ZFHX3: variants seen among roughly 807,000 people sequenced by gnomAD.
ZFHX3 encodes zinc finger homeobox protein 3.
In ZFHX3, 42 loss-of-function variants were observed where a neutral mutation model predicts 279.1. The ratio of observed to expected loss-of-function variants is 0.15; its 90% CI spans 0.12 to 0.19. The LOEUF (loss-of-function observed/expected upper bound fraction) is 0.19, where lower values mean the gene tolerates loss of function less well. ZFHX3 is among the 10% of genes least tolerant of loss of function. The pLI, the probability that ZFHX3 is intolerant of heterozygous loss-of-function variation, is 1.00. For synonymous variants in ZFHX3, 2,293 were observed against 1,957.8 expected, an observed-to-expected ratio of 1.17 and a Z score of -4.52; for missense variants, 4,981 against 4,754.0, an observed-to-expected ratio of 1.05 and a Z score of -1.40.
rs553170868 is a variant in ZFHX3, at chr16:73,466,438, C to T, written c.-1546-10180G>A. ...ATGGGGTTGCAGTAAGCTGTGATTGCACCACTGCGCTCCAGCTTGGGTAAC... is the reference window on the plus strand; with the variant it reads ...ATGGGGTTGCAGTAAGCTGTGATTGTACCACTGCGCTCCAGCTTGGGTAAC... On this transcript the variant is annotated intron_variant, in intron 2 of 17. Transcript: ENST00000641206. Among the ~76,000 whole-genome samples the T allele has an allele frequency of 1.3e-4, 20 of 152,318 alleles. No individual in the cohort carries two copies. The South Asian group carries it at 3.9e-3, about 30-fold the overall frequency.
At chr16:72,924,779 C>G (rs778034829) in intron 3 of ZFHX3, among the ~76,000 whole-genome samples, 11 of 152,202 alleles carry the variant, frequency 7.2e-5, no homozygotes, top group Admixed American at 3.3e-4. Flanking sequence ...TTGTCAGAAA[C>G]CCTTCTCGTT....
chr16:73,283,128 C>T (rs940018699), intron 4 of ZFHX3, among the ~76,000 whole-genome samples: 5 of 152,206 alleles, frequency 3.3e-5, no homozygotes, highest in South Asian at 2.1e-4. Context: ...GCCAGTGCCA[C>T]GTAAAAGCAG....
intron 2 of ZFHX3, among the ~76,000 whole-genome samples, chr16:73,629,165 G>A (rs2052445265): frequency 2.0e-5 from 3 of 152,314 alleles, no homozygotes; most frequent in African/African-American, 4.8e-5. Flanking sequence ...ATCTGTGTGT[G>A]TGCACAAACA....
At chr16:73,033,190 C>G (rs1219343535) in intron 1 of ZFHX3, among the ~76,000 whole-genome samples, 2 of 152,086 alleles carry the variant, frequency 1.3e-5, no homozygotes, top group Admixed American at 6.6e-5. Context: ...CCCCCAGTAC[C>G]CTGGAGCCCT....
rs559672310 is a variant in ZFHX3 at position 73,146,491 on chromosome 16, C to A, written c.-1103-2660G>T. Among the ~76,000 whole-genome samples, 730 of 151,990 alleles carry A rather than the reference C, an allele frequency of 4.8e-3. 7 individuals carry two copies. Among genetic ancestry groups the A allele is most frequent in the African/African-American group, 0.017 (692 of 41,484 alleles). On this transcript the variant is annotated intron_variant, in intron 5 of 17. Coordinates refer to the ZFHX3 transcript ENST00000641206. ...CCATGGAGGATCAGCTAATACAAACCCCCAATGCAGCCTCTGCTAAGACAG... is the reference window on the plus strand; with the variant it reads ...CCATGGAGGATCAGCTAATACAAACACCCAATGCAGCCTCTGCTAAGACAG...
rs563999688 is a variant in ZFHX3, at chr16:73,778,803, A to G, written c.-1607-98563T>C. On this transcript the variant is annotated intron_variant, in intron 1 of 17. Coordinates refer to the ZFHX3 transcript ENST00000641206. ...GGCTCCAAATAACACCAGAAATCAT[A>G]TCAATCCAAAAACAATGACTAACAG... Among the ~76,000 whole-genome samples, 73 of 152,340 alleles carry G rather than the reference A, an allele frequency of 4.8e-4. 1 individual carries two copies. The South Asian group carries it at 0.012, about 25-fold the overall frequency.
intron 7 of ZFHX3, among the ~76,000 whole-genome samples, chr16:73,107,425 A>T (rs1966318561): frequency 6.6e-6 from 1 of 152,210 alleles, no homozygotes; most frequent in Non-Finnish European, 1.5e-5. Context: ...CAGAAACAAA[A>T]GGAGATCCAT....
intron 2 of ZFHX3, among the ~76,000 whole-genome samples, chr16:73,621,301 G>A (rs943372991): frequency 2.6e-5 from 4 of 152,116 alleles, no homozygotes; most frequent in African/African-American, 9.7e-5. Flanking sequence ...TCGATAAAAT[G>A]CTGTTGGATA....
intron 4 of ZFHX3, among the ~76,000 whole-genome samples, chr16:72,836,230 A>G (rs2037188913): frequency 6.6e-6 from 1 of 152,290 alleles, no homozygotes; most frequent in African/African-American, 2.4e-5. Context: ...ACTTTCGAGC[A>G]AGTGGAGTCT....
At chr16:73,098,071 AT>A (rs35816942) in intron 7 of ZFHX3, among the ~76,000 whole-genome samples, 491 of 143,156 alleles carry the variant, frequency 3.4e-3, no homozygotes, top group African/African-American at 9.8e-3. Context: ...TTGTGTATCT[AT>A]TTTTTTTTTT....
At chr16:73,879,781 G>A (rs2030082488) in intron 1 of ZFHX3, among the ~76,000 whole-genome samples, 1 of 151,998 alleles carries the variant, frequency 6.6e-6, no homozygotes, top group Non-Finnish European at 1.5e-5. Flanking sequence ...GTAGGATGGT[G>A]AGCAGTGTCC....
chr16:73,412,743 G>T (rs1158786962), intron 3 of ZFHX3, among the ~76,000 whole-genome samples: 1 of 152,180 alleles, frequency 6.6e-6, no homozygotes, highest in Admixed American at 6.5e-5. Context: ...GTTTCTGGGG[G>T]AGTATTTCAC....
chr16:73,775,364 C>T (rs534265629), intron 1 of ZFHX3, among the ~76,000 whole-genome samples: 1 of 152,188 alleles, frequency 6.6e-6, no homozygotes, highest in Non-Finnish European at 1.5e-5. Flanking sequence ...GTTTCATGCT[C>T]TATTCACCTT....
chr16:73,277,837 A>G (rs12932390), intron 4 of ZFHX3, among the ~76,000 whole-genome samples: 105,068 of 152,040 alleles, frequency 0.69, 37,424 homozygotes, highest in African/African-American at 0.87. Context: ...TGGAGGCCTC[A>G]AGAAGCTTCC....
intron 1 of ZFHX3, among the ~76,000 whole-genome samples, chr16:73,866,254 A>C (rs1435909713): frequency 7.5e-6 from 1 of 133,506 alleles, no homozygotes; most frequent in African/African-American, 2.8e-5. Flanking sequence ...ATCTCGGCTC[A>C]TTGCAACCTC....
At chr16:73,146,134 T>C (rs146802442) in intron 5 of ZFHX3, among the ~76,000 whole-genome samples, 52 of 152,104 alleles carry the variant, frequency 3.4e-4, no homozygotes, top group African/African-American at 1.2e-3. Context: ...AGTATAGAGA[T>C]AAAAAATGAT....
At chr16:73,469,734 C>G (rs981591274) in intron 2 of ZFHX3, among the ~76,000 whole-genome samples, 2 of 152,122 alleles carry the variant, frequency 1.3e-5, no homozygotes, top group African/African-American at 4.8e-5. Flanking sequence ...TCTCCTGCCT[C>G]AGTCTCCCAA....
At chr16:73,291,684 G>A (rs538034897) in intron 4 of ZFHX3, among the ~76,000 whole-genome samples, 2 of 152,290 alleles carry the variant, frequency 1.3e-5, no homozygotes, top group African/African-American at 4.8e-5. Context: ...GCCCCTGAAG[G>A]AATAGGCAGG....
chr16:72,951,000 C>T (rs1597004740), intron 2 of ZFHX3, 35 bp from the exon 3 acceptor site: 2 of 1,591,890 alleles, frequency 1.3e-6, no homozygotes, highest in Non-Finnish European at 1.7e-6. Context: ...AGTCAGACAC[C>T]AGGCTCATGG....
Sources: gnomAD v4.1 joint callset for allele counts (sites outside exome capture counted in the v4.1 genomes callset) on GRCh38, gnomAD v4.1.1 for gene constraint, MANE v1.5 for transcripts, NCBI Gene and HGNC (gene_info 2026-07-23, HGNC 2026-07-21) for gene names.